Variants in CRACD observed in about 807,000 individuals in gnomAD.
The protein encoded by CRACD is capping protein inhibiting regulator of actin dynamics.
In CRACD, 56 loss-of-function variants were observed where a neutral mutation model predicts 106.8. That is an observed-to-expected ratio of 0.52 (90% confidence interval 0.42 to 0.66). CRACD has a LOEUF of 0.66. Ranked by LOEUF, CRACD falls within the 30% of genes least tolerant of loss-of-function variation. The pLI is 0.00. For synonymous variants in CRACD, 754 were observed against 670.8 expected, an observed-to-expected ratio of 1.12 and a Z score of -1.92; for missense variants, 1,730 against 1,623.2, an observed-to-expected ratio of 1.07 and a Z score of -1.13.
intron 1 of CRACD, among the ~76,000 whole-genome samples, chr4:56,158,327 A>G (rs971490351): frequency 1.3e-4 from 20 of 152,240 alleles, no homozygotes; most frequent in Admixed American, 3.3e-4. Context: ...TTGCTGAAAT[A>G]GCGCTTTTGC....
At chr4:56,199,840 C>G (rs189602313) in intron 2 of CRACD, among the ~76,000 whole-genome samples, 1 of 152,118 alleles carries the variant, frequency 6.6e-6, no homozygotes, top group East Asian at 1.9e-4. Flanking sequence ...TTTGAGCTTC[C>G]AAGGACAGAT....
intron 1 of CRACD, among the ~76,000 whole-genome samples, chr4:56,073,472 T>C (rs928639478): frequency 1.3e-5 from 2 of 152,238 alleles, no homozygotes. Context: ...AATAGCTATT[T>C]TCTAATCCTA....
chr4:56,054,381 T>C (rs1403304136), intron 1 of CRACD, among the ~76,000 whole-genome samples: 1 of 152,070 alleles, frequency 6.6e-6, no homozygotes, highest in East Asian at 1.9e-4. Flanking sequence ...TCTCTCTGTT[T>C]CCTAGGCTGG....
intron 1 of CRACD, among the ~76,000 whole-genome samples, chr4:56,071,046 G>A (rs976060366): frequency 2.6e-5 from 4 of 152,106 alleles, no homozygotes; most frequent in African/African-American, 7.2e-5. Flanking sequence ...CTACCTTGCC[G>A]TAAAAAGAGC....
chr4:56,143,165 A>G (rs1255976947), intron 1 of CRACD, among the ~76,000 whole-genome samples: 1 of 151,370 alleles, frequency 6.6e-6, no homozygotes, highest in Non-Finnish European at 1.5e-5. Flanking sequence ...TTTTTTTGTT[A>G]GCTTTATTCT....
Position 56,049,189 on chromosome 4 carries a change from C to T in CRACD, c.-446C>T, listed in dbSNP as rs541664460. 2 of 150,082 alleles carry T rather than the reference C, an allele frequency of 1.3e-5. No homozygotes were observed. The highest frequency in any genetic ancestry group is 4.1e-4 in the South Asian group (2 of 4,838). The allele number at this position is 150,082 out of a possible 1,614,324, so 9.3% of individuals were successfully genotyped here. A position where few individuals can be genotyped will look rare whatever the true frequency, so the allele number is the denominator to read the frequency against. The stretch of plus-strand genomic sequence containing the variant: ...GCTGCTGGTGCTGCTGCCGCGGCGG[C>T]TGCTGATGCGGAGGCTGCCGCGCGC... On this transcript the variant is annotated 5_prime_UTR_variant, in exon 1 of 11. Transcript: ENST00000682029.
intron 1 of CRACD, among the ~76,000 whole-genome samples, chr4:56,068,330 C>T (rs1577941602): frequency 6.6e-6 from 1 of 152,072 alleles, no homozygotes; most frequent in Admixed American, 6.5e-5. Context: ...ACAACACGGC[C>T]GCTGCAGCCT....
rs756559207 is a variant in CRACD, at chr4:56,313,193, A to G, written c.355-4A>G. On this transcript the variant is annotated splice_polypyrimidine_tract_variant and splice_region_variant and intron_variant, in intron 6 of 10. Coordinates refer to ENST00000682029, the MANE Select transcript of CRACD (RefSeq NM_001393381.1). ...CTGACTTTCTATTTTAATCTCCCCT[A>G]CAGGTTGCTCCCGTTAAACCGTCTC... 6.2e-6 allele frequency: 10 copies of G among 1,613,228 alleles called. No individual in the cohort carries two copies. In the East Asian group the frequency reaches 1.1e-4, roughly 18 times the overall value.
intron 4 of CRACD, among the ~76,000 whole-genome samples, chr4:56,300,348 A>C (rs1488431712): frequency 8.0e-6 from 1 of 124,768 alleles, no homozygotes; most frequent in Non-Finnish European, 1.7e-5. Context: ...CGCTGCCCAA[A>C]GCCATAGTCC....
chr4:56,142,933 T>C (rs1366408709), intron 1 of CRACD, among the ~76,000 whole-genome samples: 1 of 152,090 alleles, frequency 6.6e-6, no homozygotes, highest in East Asian at 1.9e-4. Context: ...TTATTTAAAT[T>C]TCAGTGTTAT....
At chr4:56,165,069 C>A (rs1026662944) in intron 1 of CRACD, among the ~76,000 whole-genome samples, 1 of 152,208 alleles carries the variant, frequency 6.6e-6, no homozygotes, top group Non-Finnish European at 1.5e-5. Context: ...GATTCCAGAG[C>A]AGCTCTTGTT....
At chr4:56,318,482 C>T (rs1006429810) in intron 8 of CRACD, among the ~76,000 whole-genome samples, 6 of 152,170 alleles carry the variant, frequency 3.9e-5, no homozygotes, top group Non-Finnish European at 7.3e-5. Flanking sequence ...CTCTCACAGC[C>T]TCGTCTGCTA....
intron 4 of CRACD, among the ~76,000 whole-genome samples, chr4:56,303,435 T>TA (rs1231870960): frequency 2.0e-5 from 3 of 149,084 alleles, no homozygotes; most frequent in South Asian, 4.2e-4. Flanking sequence ...TCTGAAAACT[T>TA]AAAGTCTGGC....
chr4:56,106,512 G>C (rs979057170), intron 1 of CRACD, among the ~76,000 whole-genome samples: 3 of 152,188 alleles, frequency 2.0e-5, no homozygotes, highest in African/African-American at 4.8e-5. Context: ...AAGTTCCAAG[G>C]CTGGCAAGAT....
chr4:56,121,839 T>C (rs958210802), intron 1 of CRACD, among the ~76,000 whole-genome samples: 1 of 152,226 alleles, frequency 6.6e-6, no homozygotes, highest in Non-Finnish European at 1.5e-5. Context: ...AACATGCTCA[T>C]TTGAAGCTTA....
intron 2 of CRACD, among the ~76,000 whole-genome samples, chr4:56,253,257 C>G (rs1741151354): frequency 6.6e-6 from 1 of 152,120 alleles, no homozygotes; most frequent in Non-Finnish European, 1.5e-5. Flanking sequence ...CAAAATTTGG[C>G]AAACAGACCA....
At position 56,051,441 on chromosome 4, in the gene CRACD, A is replaced by T. The variant is rs189778858; in HGVS notation, c.-336+2142A>T. Among the ~76,000 whole-genome samples, 272 of 152,138 alleles carry T rather than the reference A, an allele frequency of 1.8e-3. 3 individuals carry two copies. The highest frequency in any genetic ancestry group is 2.7e-3 in the Non-Finnish European group (181 of 67,992). On this transcript the variant is annotated intron_variant, in intron 1 of 10. Coordinates refer to ENST00000682029, the MANE Select transcript of CRACD (RefSeq NM_001393381.1). ...TCATCATTTTAAATCATCTCCTGTA[A>T]CTGAGTGGCACAATAGAACATTTCA...
chr4:56,058,564 T>TG lies in CRACD; in HGVS notation c.-336+9267dup, dbSNP rs918335557. Among the ~76,000 whole-genome samples the TG allele has an allele frequency of 4.9e-4, 74 of 152,352 alleles. 1 individual carries two copies. The highest frequency in any genetic ancestry group is 2.3e-3 in the Admixed American group (35 of 15,306). ...TCTGGAAAGAATGGCCAGGGTTGGC[T>TG]GGTGCAAAAGCCATGGCCTCAGAAT... On this transcript the variant is annotated intron_variant, in intron 1 of 10. Coordinates refer to ENST00000682029, the MANE Select transcript of CRACD (RefSeq NM_001393381.1).
At chr4:56,317,266 C>CA (rs560959498) in intron 8 of CRACD, among the ~76,000 whole-genome samples, 160 of 152,294 alleles carry the variant, frequency 1.1e-3, no homozygotes, top group African/African-American at 3.6e-3. Flanking sequence ...ACGCCAGAGG[C>CA]AGCCAGTGGA....
Sources: allele counts gnomAD v4.1 joint callset (sites outside exome capture counted in the v4.1 genomes callset), GRCh38; gene constraint gnomAD v4.1.1; transcripts MANE v1.5; gene names NCBI Gene and HGNC (gene_info 2026-07-23, HGNC 2026-07-21).